The following SLC15A5 variants were observed in gnomAD, a reference collection of about 807,000 sequenced individuals.
SLC15A5 encodes the protein Peptide/histidine transporter ENSP00000340402.
SLC15A5 carries 58 observed loss-of-function variants against 56.1 expected under a neutral mutation model. The ratio of observed to expected loss-of-function variants is 1.03; its 90% CI spans 0.84 to 1.29. The LOEUF (loss-of-function observed/expected upper bound fraction) is 1.29, where lower values mean the gene tolerates loss of function less well. Ranked by LOEUF, SLC15A5 falls within the 50% of genes most tolerant of loss-of-function variation. The pLI, the probability that SLC15A5 is intolerant of heterozygous loss-of-function variation, is 0.00. For synonymous variants in SLC15A5, 264 were observed against 250.5 expected, an observed-to-expected ratio of 1.05 and a Z score of -0.51; for missense variants, 681 against 672.1, an observed-to-expected ratio of 1.01 and a Z score of -0.15.
rs1277691120 is a variant in SLC15A5 at position 16,277,649 on chromosome 12, C to G, written c.37G>C (p.Val13Leu). The change falls in exon 1 of 9, where the codon GTA (valine) becomes CTA (leucine). Residue 13 changes from valine to leucine, a missense_variant. Coordinates refer to ENST00000344941, the MANE Select transcript of SLC15A5 (RefSeq NM_001170798.1). ...VTGFTITDEK[V>L]HLYHSIEKEK... ...TTCTCAATGCTGTGATATAAGTGTA[C>G]TTTCTCATCAGTTATGGTAAAGCCT... 3.9e-6 allele frequency: 6 copies of G among 1,535,588 alleles called. No homozygotes were observed. The Admixed American group carries it at 1.2e-4, about 30-fold the overall frequency.
In SLC15A5 at chr12:16,189,426, A is replaced by G. The variant is rs748249864; in HGVS notation, c.*242T>C. ...ATAGAAAACTGTCATTTTTTTTGTC[A>G]TAGAGTAATCACTGAGACTTTGAAA... On this transcript the variant is annotated 3_prime_UTR_variant, in exon 9 of 9. Coordinates refer to ENST00000344941, the MANE Select transcript of SLC15A5 (RefSeq NM_001170798.1). 9 of 286,414 alleles carry G rather than the reference A, an allele frequency of 3.1e-5. No individual in the cohort carries two copies. Among genetic ancestry groups the G allele is most frequent in the African/African-American group, 4.4e-5 (2 of 45,816 alleles). 17.7% of individuals were successfully genotyped at this position (286,414 alleles called of 1,614,324 possible).
chr12:16,201,311 T>C (rs1863952444), intron 7 of SLC15A5, among the ~76,000 whole-genome samples: 2 of 152,056 alleles, frequency 1.3e-5, no homozygotes, highest in African/African-American at 4.8e-5. Flanking sequence ...AAAACAAAGA[T>C]GGAGGCATCA....
intron 2 of SLC15A5, among the ~76,000 whole-genome samples, chr12:16,264,120 C>T (rs1565674353): frequency 1.3e-5 from 2 of 152,180 alleles, no homozygotes; most frequent in African/African-American, 4.8e-5. Flanking sequence ...AAGCAGCAGA[C>T]ACTGGATGCC....
intron 6 of SLC15A5, 22 bp from the exon 7 acceptor site, chr12:16,217,046 G>A: frequency 1.3e-6 from 2 of 1,521,638 alleles, no homozygotes; most frequent in Non-Finnish European, 1.8e-6. Flanking sequence ...AGAGAGGTCA[G>A]AATTTAGAAC....
chr12:16,192,629 G>A (rs887946730), intron 8 of SLC15A5, among the ~76,000 whole-genome samples: 2 of 152,044 alleles, frequency 1.3e-5, no homozygotes, highest in Non-Finnish European at 2.9e-5. Flanking sequence ...ACAATGCTTA[G>A]CATGTTGGTT....
chr12:16,250,492 C>T (rs1864509183), intron 3 of SLC15A5, among the ~76,000 whole-genome samples: 1 of 151,760 alleles, frequency 6.6e-6, no homozygotes, highest in Admixed American at 6.6e-5. Context: ...AGAGAAATAG[C>T]AGGAAAAGAA....
chr12:16,240,473 T>C (rs1864402601), intron 4 of SLC15A5, among the ~76,000 whole-genome samples: 1 of 152,140 alleles, frequency 6.6e-6, no homozygotes, highest in African/African-American at 2.4e-5. Flanking sequence ...CCTTGTGTCT[T>C]TGCCCTCCCT....
chr12:16,204,500 G>A (rs745757577), intron 7 of SLC15A5, among the ~76,000 whole-genome samples: 4 of 110,500 alleles, frequency 3.6e-5, no homozygotes, highest in Non-Finnish European at 8.3e-5. Flanking sequence ...ATAAGCCATG[G>A]AGAATATGGT....
intron 6 of SLC15A5, among the ~76,000 whole-genome samples, chr12:16,223,510 A>C (rs1864209114): frequency 6.6e-6 from 1 of 152,192 alleles, no homozygotes; most frequent in Non-Finnish European, 1.5e-5. Context: ...TTTAATTAAT[A>C]TAAGCAATCT....
chr12:16,203,628 T>TA (rs566049738), intron 7 of SLC15A5, among the ~76,000 whole-genome samples: 40 of 152,072 alleles, frequency 2.6e-4, no homozygotes, highest in Non-Finnish European at 4.6e-4. Flanking sequence ...ATATACTTAA[T>TA]AAAAAAATAA....
chr12:16,193,248 A>G (rs769748510), intron 8 of SLC15A5, among the ~76,000 whole-genome samples: 1 of 152,118 alleles, frequency 6.6e-6, no homozygotes, highest in Non-Finnish European at 1.5e-5. Context: ...GGAAAAGTAT[A>G]TACTGTGAAG....
At chr12:16,199,543 C>A (rs752279665) in intron 7 of SLC15A5, among the ~76,000 whole-genome samples, 1 of 152,014 alleles carries the variant, frequency 6.6e-6, no homozygotes, top group Admixed American at 6.6e-5. Flanking sequence ...TTCATCCTTC[C>A]GTATCACTAC....
At chr12:16,253,341 A>C (rs146197246) in intron 3 of SLC15A5, among the ~76,000 whole-genome samples, 1 of 152,268 alleles carries the variant, frequency 6.6e-6, no homozygotes, top group East Asian at 1.9e-4. Flanking sequence ...CAGAGTGAAA[A>C]GGCAACATAT....
At chr12:16,253,258 CA>C (rs1565671278) in intron 3 of SLC15A5, among the ~76,000 whole-genome samples, 1 of 151,666 alleles carries the variant, frequency 6.6e-6, no homozygotes, top group South Asian at 2.1e-4. Flanking sequence ...ACACAGGCAA[CA>C]AAAAAATTAA....
At chr12:16,218,842 G>A (rs1001630676) in intron 6 of SLC15A5, among the ~76,000 whole-genome samples, 5 of 151,946 alleles carry the variant, frequency 3.3e-5, no homozygotes, top group African/African-American at 1.2e-4. Context: ...ATTTACCCCT[G>A]GTTTTTTGTT....
At chr12:16,230,721 G>C (rs1477396861) in intron 5 of SLC15A5, among the ~76,000 whole-genome samples, 1 of 149,734 alleles carries the variant, frequency 6.7e-6, no homozygotes, top group African/African-American at 2.5e-5. Flanking sequence ...AGACCATCCT[G>C]GCTAACACGG....
chr12:16,232,366 C>G (rs901755473), intron 5 of SLC15A5, among the ~76,000 whole-genome samples: 3 of 152,004 alleles, frequency 2.0e-5, no homozygotes, highest in Admixed American at 1.3e-4. Flanking sequence ...TTGAGACTTA[C>G]TGAGTTATTT....
chr12:16,212,685 C>CT (rs1443820889), intron 7 of SLC15A5, among the ~76,000 whole-genome samples: 3 of 152,086 alleles, frequency 2.0e-5, no homozygotes, highest in East Asian at 1.9e-4. Context: ...CTGTAAGACT[C>CT]TTTTTTGGTC....
chr12:16,242,797 G>C (rs1321118956), intron 4 of SLC15A5, among the ~76,000 whole-genome samples: 6 of 152,220 alleles, frequency 3.9e-5, no homozygotes, highest in African/African-American at 1.4e-4. Context: ...CTGGTATTCT[G>C]TGCTACTTGC....
Sources: allele counts gnomAD v4.1 joint callset (sites outside exome capture counted in the v4.1 genomes callset), GRCh38; gene constraint gnomAD v4.1.1; transcripts MANE v1.5; gene names NCBI Gene and HGNC (gene_info 2026-07-23, HGNC 2026-07-21).